ITGA1: variants seen among roughly 807,000 people sequenced by gnomAD.
ITGA1 encodes the protein integrin alpha-1.
A neutral mutation model predicts 145.9 loss-of-function variants in ITGA1; 85 were observed. That is an observed-to-expected ratio of 0.58 (90% CI 0.49 to 0.70). The LOEUF (loss-of-function observed/expected upper bound fraction) is 0.70. ITGA1 is among the 30% of genes least tolerant of loss of function. The pLI, the probability that ITGA1 is intolerant of heterozygous loss-of-function variation, is 0.00. For synonymous variants in ITGA1, 520 were observed against 495.3 expected, an observed-to-expected ratio of 1.05 and a Z score of -0.66; for missense variants, 1,351 against 1,418.7, an observed-to-expected ratio of 0.95 and a Z score of 0.77.
intron 6 of ITGA1, among the ~76,000 whole-genome samples, chr5:52,879,815 C>A (rs1180407794): frequency 6.6e-6 from 1 of 152,142 alleles, no homozygotes; most frequent in Admixed American, 6.5e-5. Flanking sequence ...CAGAACAAGG[C>A]TAACCTGGAC....
chr5:52,927,940 G>T (rs1029694297), intron 20 of ITGA1, among the ~76,000 whole-genome samples: 4 of 152,116 alleles, frequency 2.6e-5, no homozygotes, highest in African/African-American at 9.7e-5. Flanking sequence ...AGGGATTAGT[G>T]TCCTCATACG....
chr5:52,906,540 G>A (rs753526261), intron 12 of ITGA1, among the ~76,000 whole-genome samples: 7 of 152,090 alleles, frequency 4.6e-5, no homozygotes, highest in East Asian at 3.8e-4. Flanking sequence ...AAGAAACATC[G>A]TAAATATGCA....
At chr5:52,794,347 A>G (rs1245854781) in intron 1 of ITGA1, among the ~76,000 whole-genome samples, 1 of 152,016 alleles carries the variant, frequency 6.6e-6, no homozygotes, top group African/African-American at 2.4e-5. Flanking sequence ...TTTCAAAATT[A>G]TTTTATTAAT....
At chr5:52,941,230 C>A (rs1476173901) in intron 26 of ITGA1, among the ~76,000 whole-genome samples, 1 of 152,174 alleles carries the variant, frequency 6.6e-6, no homozygotes, top group Non-Finnish European at 1.5e-5. Flanking sequence ...AATAGCACTG[C>A]AATGAAGATA....
intron 20 of ITGA1, 63 bp from the exon 21 acceptor site, chr5:52,929,562 A>G: frequency 1.2e-6 from 1 of 811,004 alleles, no homozygotes; most frequent in Non-Finnish European, 2.0e-6. Flanking sequence ...ATTTATGGAA[A>G]TTGAATATTT....
chr5:52,928,316 T>C (rs1490698666), intron 20 of ITGA1, among the ~76,000 whole-genome samples: 6 of 152,148 alleles, frequency 3.9e-5, no homozygotes, highest in Non-Finnish European at 7.4e-5. Flanking sequence ...TCCTAGGTAG[T>C]AGGTGTCTCT....
At chr5:52,898,521 T>G (rs915746020) in intron 11 of ITGA1, 138 bp downstream of exon 11, 3 of 797,008 alleles carry the variant, frequency 3.8e-6, no homozygotes, top group African/African-American at 1.7e-5. Flanking sequence ...CCAGAACCCA[T>G]GCAAAGTTTT....
intron 21 of ITGA1, 37 bp downstream of exon 21, chr5:52,929,738 G>A (rs772891911): frequency 2.7e-5 from 29 of 1,092,462 alleles, no homozygotes; most frequent in Non-Finnish European, 2.9e-5. Flanking sequence ...GTATATGAAT[G>A]TATATTGCTT....
Position 52,918,737 on chromosome 5 carries a change from G to T in ITGA1, c.1994G>T (p.Arg665Leu), listed in dbSNP as rs764279742. Reference sequence around the variant, plus strand: ...CCCATTGTTTTTGTTTGTAGGTCCCGAGATGTGGCCGTAGTTAAAGTGACC... The same window carrying T: ...CCCATTGTTTTTGTTTGTAGGTCCCTAGATGTGGCCGTAGTTAAAGTGACC... ...GLGGAALFWS[R>L]DVAVVKVTMN... is the part of the protein sequence containing the mutation. Residue 665 changes from arginine (R) to leucine (L), a missense_variant, in exon 16 of 29, where the codon CGA becomes CTA. Transcript: ENST00000282588. The T allele has an allele frequency of 2.5e-6, 4 of 1,606,462 alleles. No homozygotes were observed. Among genetic ancestry groups the T allele is most frequent in the Non-Finnish European group, 3.4e-6 (4 of 1,177,648 alleles).
At chr5:52,910,988 CTATATATAGTATGTAT>C (rs1750506624) in intron 14 of ITGA1, among the ~76,000 whole-genome samples, 1 of 121,858 alleles carries the variant, frequency 8.2e-6, no homozygotes, top group Non-Finnish European at 1.6e-5. Context: ...AGTATGTATA[CTATATATAGTATGTAT>C]ACTGTATATA....
intron 1 of ITGA1, among the ~76,000 whole-genome samples, chr5:52,819,921 TTG>T (rs1748846553): frequency 6.6e-6 from 1 of 152,214 alleles, no homozygotes; most frequent in Non-Finnish European, 1.5e-5. Flanking sequence ...TCCCCATTGC[TTG>T]TTTTTCTCAG....
intron 26 of ITGA1, 65 bp from the exon 27 acceptor site, chr5:52,944,877 CA>C (rs1353492111): frequency 9.0e-7 from 1 of 1,115,972 alleles, no homozygotes; most frequent in Non-Finnish European, 1.3e-6. Flanking sequence ...ATGTCCTACT[CA>C]AACATGACTA....
chr5:52,846,645 G>A, intron 1 of ITGA1, among the ~76,000 whole-genome samples: 1 of 152,158 alleles, frequency 6.6e-6, no homozygotes, highest in East Asian at 1.9e-4. Flanking sequence ...TCTCTATCAC[G>A]CTGGAAGAAT....
rs535657312 is a variant in ITGA1, at chr5:52,867,117, T to C, written c.624+1300T>C. On this transcript the variant is annotated intron_variant, in intron 6 of 28. Coordinates refer to ENST00000282588, the MANE Select transcript of ITGA1 (RefSeq NM_181501.2). ...AATGTTTGCCACACCTACATTAAAT[T>C]TGGAACATAATATGTGCACATATAT... 12 of 152,176 alleles carry C rather than the reference T, an allele frequency of 7.9e-5. No individual in the cohort carries two copies. The South Asian group carries it at 2.5e-3, about 32-fold the overall frequency. The allele number at this position is 152,176 out of a possible 1,614,324, so 9.4% of individuals were successfully genotyped here.
At chr5:52,831,954 C>A (rs1158732276) in intron 1 of ITGA1, among the ~76,000 whole-genome samples, 1 of 152,102 alleles carries the variant, frequency 6.6e-6, no homozygotes, top group Non-Finnish European at 1.5e-5. Flanking sequence ...TGAGTCATGT[C>A]TTTGTAGCCA....
intron 1 of ITGA1, among the ~76,000 whole-genome samples, chr5:52,847,746 G>T (rs907906040): frequency 6.6e-6 from 1 of 152,156 alleles, no homozygotes; most frequent in African/African-American, 2.4e-5. Flanking sequence ...GTAGAGATGG[G>T]ATTTCATCCT....
chr5:52,886,270 C>A (rs73106347), intron 7 of ITGA1, among the ~76,000 whole-genome samples: 1,925 of 152,312 alleles, frequency 0.013, 45 homozygotes, highest in African/African-American at 0.045. Flanking sequence ...CCACTCAGAA[C>A]TGACAGTTGT....
rs148625664 is a variant in ITGA1 at position 52,802,981 on chromosome 5, C to T, written c.61+14567C>T. 5 of 152,220 alleles carry T rather than the reference C, an allele frequency of 3.3e-5. No individual in the cohort carries two copies. The East Asian group carries it at 5.8e-4, about 18-fold the overall frequency. The allele number at this position is 152,220 out of a possible 1,614,324, so 9.4% of individuals were successfully genotyped here. ...ACATTCCTAAAAGTTAAGGAAGGAG[C>T]CTCAGTAATGGAATTGCTTCTTGAC... is the stretch of plus-strand genomic sequence containing the variant. On this transcript the variant is annotated intron_variant, in intron 1 of 28. Coordinates refer to ENST00000282588, the MANE Select transcript of ITGA1 (RefSeq NM_181501.2).
intron 1 of ITGA1, among the ~76,000 whole-genome samples, chr5:52,797,967 G>T (rs755943650): frequency 2.2e-4 from 33 of 152,252 alleles, no homozygotes; most frequent in Non-Finnish European, 1.8e-4. Context: ...AAGATAAATT[G>T]TACTTAGAAA....
Sources: gnomAD v4.1 joint callset for allele counts (sites outside exome capture counted in the v4.1 genomes callset) on GRCh38, gnomAD v4.1.1 for gene constraint, MANE v1.5 for transcripts, NCBI Gene and HGNC (gene_info 2026-07-23, HGNC 2026-07-21) for gene names.